The following SUN2 variants were observed in gnomAD, a reference collection of about 807,000 sequenced individuals.
SUN2 encodes Sad1 and UNC84 domain containing 2.
In SUN2, 60 loss-of-function variants were observed where a neutral mutation model predicts 100.0. The ratio of observed to expected loss-of-function variants is 0.60; its 90% CI spans 0.49 to 0.74. SUN2 has a LOEUF of 0.74. Ranked by LOEUF, SUN2 falls within the 30% of genes least tolerant of loss-of-function variation. SUN2 has a pLI of 0.00. For missense variants in SUN2, 834 were observed against 954.6 expected (o/e 0.87, Z 1.66); for synonymous variants, 367 against 403.3 (o/e 0.91, Z 1.08).
intron 8 of SUN2, chr22:38,743,172 T>C (rs2092874486): frequency 6.6e-6 from 1 of 152,216 alleles, no homozygotes; most frequent in African/African-American, 2.4e-5. Context: ...AACAACAAAA[T>C]CATTGCCAAG....
chr22:38,750,950 G>C lies in SUN2; in HGVS notation c.372C>G (p.Thr124=), dbSNP rs369299247. Residue 124 remains threonine (T), a synonymous_variant, in exon 4 of 18, where the codon ACC becomes ACG. Transcript: ENST00000689035. ...RASGLVGRKA[T]EDFLGSSSGY... is the part of the protein sequence containing the mutation. Reference sequence around the variant, plus strand: ...CCGAGGAAGAGCCCAGGAAGTCCTCGGTGGCCTTGCGCCCCACAAGCCCGC... The same window carrying C: ...CCGAGGAAGAGCCCAGGAAGTCCTCCGTGGCCTTGCGCCCCACAAGCCCGC... 1 of 1,613,958 alleles carries C rather than the reference G, an allele frequency of 6.2e-7. No homozygotes were observed.
Position 38,755,732 on chromosome 22 carries a change from C to CG in SUN2, c.-38+30_-38+31insC. The CG allele has an allele frequency of 1.0e-6, 1 of 985,000 alleles. No individual in the cohort carries two copies. Among genetic ancestry groups the CG allele is most frequent in the Non-Finnish European group, 1.2e-6 (1 of 829,812 alleles). The allele number at this position is 985,000 out of a possible 1,614,324, so 61.0% of individuals were successfully genotyped here. A position where few individuals can be genotyped will look rare whatever the true frequency, so the allele number is the denominator to read the frequency against. On this transcript the variant is annotated intron_variant, in intron 1 of 17. Transcript: ENST00000689035. The surrounding 1 kb of genome is among the most constrained non-coding windows in gnomAD (Gnocchi z 5.7). Reference sequence around the variant, plus strand: ...CGGGGTCAGGCCGGGCCGCGGCCCCCCAACCCTCTCCTGAGCTCGCCCGCA... The same window carrying CG: ...CGGGGTCAGGCCGGGCCGCGGCCCCCGCAACCCTCTCCTGAGCTCGCCCGCA...
rs759508569 is a variant in SUN2, at chr22:38,740,411, C to T, written c.1212G>A (p.Gln404=). 2.6e-6 allele frequency: 4 copies of T among 1,553,212 alleles called. No homozygotes were observed. The Admixed American group carries it at 7.7e-5, about 30-fold the overall frequency. Residue 404 remains glutamine (Q), a synonymous_variant, in exon 12 of 18, where the codon CAG becomes CAA. Transcript: ENST00000689035. This position sits in a 1 kb window ranked among gnomAD's most constrained non-coding sequence, Gnocchi z 4.8. ...GCCTCAGCTCCTTCACAGAGCTCTC[C>T]TGGAAGGACTCCTGGGTCATGCTGG... is the stretch of plus-strand genomic sequence containing the variant. ...EWQSMTQESF[Q]ESSVKELRRL... is the part of the protein sequence containing the mutation.
rs553999838 is a variant in SUN2, at chr22:38,745,744, C to T, written c.753G>A (p.Ala251=). 31 of 1,614,086 alleles carry T rather than the reference C, an allele frequency of 1.9e-5. No individual in the cohort carries two copies. The highest frequency in any genetic ancestry group is 1.1e-4 in the South Asian group (10 of 91,082). ...CCTCATCCGGCCTCCTGCTGTCCTTCGCTGCCCACCAGGAAACCAAAGCAG... is the reference window on the plus strand; with the variant it reads ...CCTCATCCGGCCTCCTGCTGTCCTTTGCTGCCCACCAGGAAACCAAAGCAG... ...FHPALVSWWA[A]KDSRRPDEGW... Residue 251 remains alanine (A), a synonymous_variant, in exon 8 of 18, where the codon GCG becomes GCA. Transcript: ENST00000689035.
Position 38,738,179 on chromosome 22 carries a change from G to T in SUN2, c.2034C>A (p.His678Gln), listed in dbSNP as rs539775471. 2 of 1,613,862 alleles carry T rather than the reference G, an allele frequency of 1.2e-6. No homozygotes were observed. The highest frequency in any genetic ancestry group is 1.6e-4 in the Middle Eastern group (1 of 6,084). The change falls in exon 17 of 18, where the codon CAC becomes CAA. Residue 678 changes from histidine (H) to glutamine (Q), a missense_variant. This residue lies in a region of SUN2 where 80 missense variants were observed against 76.7 expected (regional missense o/e 1.04). Transcript: ENST00000689035. The surrounding 1 kb of genome is among the most constrained non-coding windows in gnomAD (Gnocchi z 6.6). The part of the protein sequence containing the change: ...DQDGEPIQTF[H>Q]FQAPTMATYQ... ...GCACAGCAGCATCCCGTACCTGAAA[G>T]TGAAACGTCTGAATAGGCTCGCCGT... is the stretch of plus-strand genomic sequence containing the variant.
intron 7 of SUN2, among the ~76,000 whole-genome samples, chr22:38,746,454 G>A (rs1191356589): frequency 6.6e-6 from 1 of 152,208 alleles, no homozygotes; most frequent in Non-Finnish European, 1.5e-5. Flanking sequence ...GAGCGGGGGA[G>A]GGAGGGCTTT....
At chr22:38,751,092 G>A in intron 3 of SUN2, 57 bp from the exon 4 acceptor site, 6 of 1,610,122 alleles carry the variant, frequency 3.7e-6, no homozygotes, top group Non-Finnish European at 5.1e-6. Context: ...TGAAAAGTGG[G>A]GTCTGGGCAG....
Position 38,734,742 on chromosome 22 carries a change from G to A in SUN2, c.*1525C>T, listed in dbSNP as rs1015801788. ...AAGCCACATCCCACAGCTCTTGGGC[G>A]TCATTTATTTTTTGCATAGGCATAA... On this transcript the variant is annotated 3_prime_UTR_variant, in exon 18 of 18. Coordinates refer to ENST00000689035, the MANE Select transcript of SUN2 (RefSeq NM_015374.3). The A allele has an allele frequency of 1.2e-5, 2 of 171,776 alleles. No homozygotes were observed. Among genetic ancestry groups the A allele is most frequent in the Non-Finnish European group, 2.6e-5 (2 of 78,342 alleles). The allele number at this position is 171,776 out of a possible 1,614,324, so 10.6% of individuals were successfully genotyped here. A position where few individuals can be genotyped will look rare whatever the true frequency, so the allele number is the denominator to read the frequency against.
At position 38,755,010 on chromosome 22, in the gene SUN2, C is replaced by T. The variant is rs568353399; in HGVS notation, c.-38+753G>A. 19 of 1,256,764 alleles carry T rather than the reference C, an allele frequency of 1.5e-5. No homozygotes were observed. Among genetic ancestry groups the T allele is most frequent in the Non-Finnish European group, 2.0e-5 (19 of 962,514 alleles). 77.9% of individuals were successfully genotyped at this position (1,256,764 alleles called of 1,614,324 possible). A position where few individuals can be genotyped will look rare whatever the true frequency, so the allele number is the denominator to read the frequency against. ...CTGCGAATCATAATAGACACCACCC[C>T]CGCCCCACCTCCTCCCTAACAATCA... On this transcript the variant is annotated intron_variant, in intron 1 of 17. Coordinates refer to ENST00000689035, the MANE Select transcript of SUN2 (RefSeq NM_015374.3). This position sits in a 1 kb window ranked among gnomAD's most constrained non-coding sequence, Gnocchi z 5.7.
In SUN2 at chr22:38,755,997, G is replaced by T; in HGVS notation, c.-272C>A. On this transcript the variant is annotated 5_prime_UTR_variant, in exon 1 of 18. Coordinates refer to ENST00000689035, the MANE Select transcript of SUN2 (RefSeq NM_015374.3). This position sits in a 1 kb window ranked among gnomAD's most constrained non-coding sequence, Gnocchi z 5.7. ...GCGAGTGGGGCCGGGCGGCGCGCGT[G>T]TGGCCGACTCTGTATGTGTGCGCCT... The T allele has an allele frequency of 1.0e-6, 1 of 984,770 alleles. No homozygotes were observed. Among genetic ancestry groups the T allele is most frequent in the Non-Finnish European group, 1.2e-6 (1 of 829,722 alleles). 61.0% of individuals were successfully genotyped at this position (984,770 alleles called of 1,614,324 possible).
intron 8 of SUN2, chr22:38,744,981 T>C: frequency 2.1e-6 from 1 of 465,358 alleles, no homozygotes; most frequent in Non-Finnish European, 4.5e-6. Context: ...CATGTGACCT[T>C]GTGGGCTCTC....
chr22:38,752,470 G>A lies in SUN2; in HGVS notation c.122+37C>T, dbSNP rs80090802. The A allele has an allele frequency of 1.8e-3, 2,814 of 1,576,810 alleles. 47 individuals are homozygous for A. The African/African-American group carries it at 0.035, about 19-fold the overall frequency. The stretch of plus-strand genomic sequence containing the variant: ...GCGGGCAGTGACCAAAAGCTTGTGG[G>A]GCTGTCAGGGGCCGTGGCACTCCCT... On this transcript the variant is annotated intron_variant, in intron 2 of 17. Transcript: ENST00000689035.
intron 1 of SUN2, among the ~76,000 whole-genome samples, chr22:38,754,375 C>A (rs1371581898): frequency 6.6e-6 from 1 of 152,184 alleles, no homozygotes; most frequent in East Asian, 1.9e-4. Context: ...AGTCCACTTC[C>A]CAACCCAGGC....
Position 38,741,488 on chromosome 22 carries a change from G to A in SUN2, c.1146+6C>T, listed in dbSNP as rs573493906. The A allele has an allele frequency of 5.0e-6, 8 of 1,613,606 alleles. No individual in the cohort carries two copies. Among genetic ancestry groups the A allele is most frequent in the Admixed American group, 3.3e-5 (2 of 60,022 alleles). On this transcript the variant is annotated splice_donor_region_variant and intron_variant, in intron 10 of 17. Transcript: ENST00000689035. ...CACAGGCCCTGAGTGCCGCAAGCCC[G>A]CTGACCTGGGAGGCCCGGACGATCT...
intron 10 of SUN2, among the ~76,000 whole-genome samples, chr22:38,741,259 ACT>A (rs1297155287): frequency 6.6e-6 from 1 of 151,858 alleles, no homozygotes; most frequent in Non-Finnish European, 1.5e-5. Flanking sequence ...GTTCACCCAC[ACT>A]CAGCACATGC....
In SUN2 at chr22:38,736,336, C is replaced by T. The variant is rs199596224; in HGVS notation, c.2085G>A (p.Leu695=). 6.2e-7 allele frequency: 1 copy of T among 1,613,996 alleles called. No individual in the cohort carries two copies. The highest frequency in any genetic ancestry group is 8.5e-7 in the Non-Finnish European group (1 of 1,179,912). ...TGTACTCGGGGTGGCCCCAGTTAGT[C>T]AGGATCCGCAGCTCCACCACCTGGT... ...ATYQVVELRI[L]TNWGHPEYTC... is the part of the protein sequence containing the mutation. Residue 695 remains leucine, a synonymous_variant, in exon 18 of 18, where the codon CTG becomes CTA. Coordinates refer to ENST00000689035, the MANE Select transcript of SUN2 (RefSeq NM_015374.3).
rs752409009 is a variant in SUN2, at chr22:38,748,727, G to A, written c.671C>T (p.Thr224Met). ...TGCAGGCTCACCATACGTCAGGCAC[G>A]TCAGCAAGAGCAGCGGCAGCAGGAA... The part of the protein sequence containing the change: ...LWFLLPLLLL[T>M]CLTYGAWYFY... The change falls in exon 7 of 18, where the codon ACG becomes ATG. Residue 224 changes from threonine to methionine, a missense_variant. By Grantham distance (81) the Thr-to-Met change is moderately conservative. Around this residue, in one of 3 missense-constraint regions of SUN2, gnomAD observed 559 missense variants for 597.7 expected, o/e 0.94. Coordinates refer to ENST00000689035, the MANE Select transcript of SUN2 (RefSeq NM_015374.3). 21 of 1,614,102 alleles carry A rather than the reference G, an allele frequency of 1.3e-5. No homozygotes were observed. The highest frequency in any genetic ancestry group is 5.0e-5 in the Admixed American group (3 of 60,002).
intron 8 of SUN2, chr22:38,745,071 CGGGAGTGACGGTGTGCT>C (rs1198310395): frequency 8.5e-6 from 4 of 470,990 alleles, no homozygotes; most frequent in African/African-American, 8.0e-5. Context: ...CAGAATGTGG[CGGGAGTGACGGTGTGCT>C]GGTTCTGGAT....
At position 38,740,783 on chromosome 22, in the gene SUN2, A is replaced by AC. The variant is rs2092849904; in HGVS notation, c.1190+223dup. ...TCTATAAATGAATCCCGGTCCTCTC[A>AC]CACAGCCTGCCCCCCGCCCTCAGGA... On this transcript the variant is annotated intron_variant, in intron 11 of 17. Coordinates refer to ENST00000689035, the MANE Select transcript of SUN2 (RefSeq NM_015374.3). The surrounding 1 kb of genome is among the most constrained non-coding windows in gnomAD (Gnocchi z 4.8). 1 of 603,168 alleles carries AC rather than the reference A, an allele frequency of 1.7e-6. No individual in the cohort carries two copies. The highest frequency in any genetic ancestry group is 2.0e-5 in the South Asian group (1 of 50,598). The allele number at this position is 603,168 out of a possible 1,614,324, so 37.4% of individuals were successfully genotyped here.
Sources: gnomAD v4.1 joint callset for allele counts (sites outside exome capture counted in the v4.1 genomes callset) on GRCh38, gnomAD v4.1.1 for gene constraint, gnomAD v4.1.1 regional missense constraint, Gnocchi (gnomAD v3.1) non-coding constraint, MANE v1.5 for transcripts, NCBI Gene and HGNC (gene_info 2026-07-23, HGNC 2026-07-21) for gene names.